Variants in COL21A1 observed in about 807,000 individuals in gnomAD.
COL21A1 encodes the protein collagen alpha-1(XXI) chain.
Under a neutral mutation model 137.9 loss-of-function variants are expected in COL21A1, and 149 were observed. The observed-to-expected ratio is 1.08, with a 90% CI of 0.95 to 1.24. The LOEUF (loss-of-function observed/expected upper bound fraction) is 1.24. COL21A1 is among the 50% of genes most tolerant of loss of function. The probability of loss-of-function intolerance (pLI) is 0.00; values close to 1 mark genes in which losing one functional copy is unlikely to be tolerated. For synonymous variants in COL21A1, 456 were observed against 391.5 expected (o/e 1.16, Z -1.95); for missense variants, 1,167 against 1,158.4 (o/e 1.01, Z -0.11).
upstream of COL21A1, among the ~76,000 whole-genome samples, chr6:56,252,166 C>T (rs547997071): frequency 5.9e-5 from 9 of 152,332 alleles, no homozygotes; most frequent in South Asian, 1.9e-3. Flanking sequence ...CAAGAAACTT[C>T]AATACCTTCA....
intron 17 of COL21A1, among the ~76,000 whole-genome samples, chr6:56,078,690 A>G (rs1767456874): frequency 6.6e-6 from 1 of 151,682 alleles, no homozygotes; most frequent in South Asian, 2.1e-4. Context: ...ACATAAACAC[A>G]TAGTTCTAGT....
intron 22 of COL21A1, 189 bp downstream of exon 22, chr6:56,068,857 T>G: frequency 2.0e-6 from 1 of 501,156 alleles, no homozygotes; most frequent in Non-Finnish European, 3.5e-6. Flanking sequence ...ACAATACCCA[T>G]GTGGGTATAT....
At chr6:56,217,032 A>G (rs1055486749) in intron 1 of COL21A1, among the ~76,000 whole-genome samples, 1 of 152,094 alleles carries the variant, frequency 6.6e-6, no homozygotes, top group Non-Finnish European at 1.5e-5. Flanking sequence ...AATTCTAATA[A>G]AAATATGGCC....
chr6:56,123,945 G>T, intron 16 of COL21A1, 117 bp downstream of exon 16: 1 of 848,820 alleles, frequency 1.2e-6, no homozygotes. Flanking sequence ...TTTAGCTCAT[G>T]AATTTTATCC....
At chr6:56,137,625 C>T (rs1774096793) in intron 12 of COL21A1, among the ~76,000 whole-genome samples, 1 of 152,062 alleles carries the variant, frequency 6.6e-6, no homozygotes. Flanking sequence ...AACGACCATA[C>T]AACAGAAGAC....
intron 1 of COL21A1, among the ~76,000 whole-genome samples, chr6:56,273,574 C>G (rs1409222125): frequency 6.6e-6 from 1 of 151,992 alleles, no homozygotes; most frequent in Non-Finnish European, 1.5e-5. Flanking sequence ...TACAAAGGAC[C>G]CTCAGAGGCT....
intron 1 of COL21A1, among the ~76,000 whole-genome samples, chr6:56,344,652 C>T (rs902239300): frequency 5.3e-5 from 8 of 152,270 alleles, no homozygotes; most frequent in African/African-American, 1.4e-4. Context: ...TCAAATCTTA[C>T]GTCAAGTTAT....
chr6:56,326,466 T>G (rs923144296), intron 1 of COL21A1, among the ~76,000 whole-genome samples: 2 of 151,858 alleles, frequency 1.3e-5, no homozygotes, highest in African/African-American at 4.8e-5. Flanking sequence ...GCATACCCAT[T>G]GTTTCTGTCT....
At chr6:56,280,278 G>A (rs1309477514) in intron 1 of COL21A1, among the ~76,000 whole-genome samples, 2 of 152,130 alleles carry the variant, frequency 1.3e-5, no homozygotes, top group Non-Finnish European at 2.9e-5. Flanking sequence ...ACTAAGTCCT[G>A]AACTATCAAG....
intron 1 of COL21A1, among the ~76,000 whole-genome samples, chr6:56,258,501 A>C (rs1763169529): frequency 6.6e-6 from 1 of 152,182 alleles, no homozygotes; most frequent in Non-Finnish European, 1.5e-5. Context: ...CATGCACTCT[A>C]TTACAAGGGA....
At chr6:56,106,482 C>T (rs1386404405) in intron 16 of COL21A1, among the ~76,000 whole-genome samples, 1 of 152,142 alleles carries the variant, frequency 6.6e-6, no homozygotes, top group African/African-American at 2.4e-5. Context: ...ACATCCCCAG[C>T]AGAAAACACA....
At chr6:56,128,747 C>A (rs1256201477) in intron 12 of COL21A1, among the ~76,000 whole-genome samples, 1 of 152,156 alleles carries the variant, frequency 6.6e-6, no homozygotes, top group Non-Finnish European at 1.5e-5. Flanking sequence ...CTCTGCCCCC[C>A]AGGCTCAGGT....
chr6:56,098,644 T>TAA lies in COL21A1; in HGVS notation c.1812+2827_1812+2828insTT, dbSNP rs1272259994. Among the ~76,000 whole-genome samples the TAA allele has an allele frequency of 2.1e-4, 11 of 51,320 alleles. 1 individual carries two copies. The highest frequency in any genetic ancestry group is 6.6e-4 in the African/African-American group (6 of 9,074). 33.7% of individuals were successfully genotyped at this position (51,320 alleles called of 152,430 possible). A position where few individuals can be genotyped will look rare whatever the true frequency, so the allele number is the denominator to read the frequency against. ...ATATATAAATATATATATAAATATA[T>TAA]ATAAATATATAAATATATATAAATA... On this transcript the variant is annotated intron_variant, in intron 17 of 29. Coordinates refer to ENST00000244728, the MANE Select transcript of COL21A1 (RefSeq NM_030820.4).
chr6:56,100,447 A>G lies in COL21A1; in HGVS notation c.1812+1025T>C, dbSNP rs147912524. The stretch of plus-strand genomic sequence containing the variant: ...TATGAAGTAAGCACTATAAGCATCT[A>G]CACTATTCACACTTAGAGAAAAATA... On this transcript the variant is annotated intron_variant, in intron 17 of 29. Transcript: ENST00000244728. Among the ~76,000 whole-genome samples, 15 of 152,316 alleles carry G rather than the reference A, an allele frequency of 9.8e-5. No homozygotes were observed. The East Asian group carries it at 2.5e-3, about 25-fold the overall frequency.
chr6:56,104,360 C>A (rs546380592), intron 16 of COL21A1, among the ~76,000 whole-genome samples: 1 of 152,260 alleles, frequency 6.6e-6, no homozygotes, highest in South Asian at 2.1e-4. Flanking sequence ...TTAGTTATTA[C>A]AAGATAATGG....
intron 1 of COL21A1, among the ~76,000 whole-genome samples, chr6:56,277,319 G>A (rs181116510): frequency 1.5e-4 from 23 of 152,058 alleles, no homozygotes; most frequent in African/African-American, 4.8e-4. Flanking sequence ...GACAGGCCCC[G>A]GTGTGCGATG....
intron 1 of COL21A1, among the ~76,000 whole-genome samples, chr6:56,391,459 C>T (rs546426401): frequency 1.3e-5 from 2 of 151,722 alleles, no homozygotes; most frequent in Non-Finnish European, 2.9e-5. Context: ...ATAAATGTAA[C>T]GAGACTAAGA....
chr6:56,274,379 A>C (rs1366986004), intron 1 of COL21A1, among the ~76,000 whole-genome samples: 1 of 152,224 alleles, frequency 6.6e-6, no homozygotes, highest in Non-Finnish European at 1.5e-5. Flanking sequence ...CAATAAGGCA[A>C]TAGAAAGAAA....
intron 1 of COL21A1, among the ~76,000 whole-genome samples, chr6:56,315,208 G>C (rs1419808924): frequency 6.6e-6 from 1 of 152,132 alleles, no homozygotes; most frequent in East Asian, 1.9e-4. Flanking sequence ...TCCTCATGGA[G>C]AGGCCCTGAG....
Sources: allele counts gnomAD v4.1 joint callset (sites outside exome capture counted in the v4.1 genomes callset), GRCh38; gene constraint gnomAD v4.1.1; transcripts MANE v1.5; gene names NCBI Gene and HGNC (gene_info 2026-07-23, HGNC 2026-07-21).